The following GSG1L2 variants were observed in gnomAD, a reference collection of about 807,000 sequenced individuals.
GSG1L2 encodes the protein germ cell-specific gene 1-like protein 2.
A neutral mutation model predicts 9.0 loss-of-function variants in GSG1L2; 15 were observed. The observed-to-expected ratio is 1.67, with a 90% CI of 1.12 to 2.57. The LOEUF is 2.57. Ranked by LOEUF, GSG1L2 falls within the 30% of genes most tolerant of loss-of-function variation. The pLI is 0.00. For synonymous variants in GSG1L2, 127 were observed against 57.9 expected, an observed-to-expected ratio of 2.19 and a Z score of -5.41; for missense variants, 286 against 150.3, an observed-to-expected ratio of 1.90 and a Z score of -4.72.
In GSG1L2 at chr17:9,820,318, A is replaced by G. The variant is rs2152025326; in HGVS notation, c.310+1444T>C. ...CTTGGAAAGGAGATGGAATTTCCCA[A>G]GTGATTTGCCTATAAGTATGGTGAA... On this transcript the variant is annotated intron_variant, in intron 1 of 4. Coordinates refer to ENST00000399363, the MANE Select transcript of GSG1L2 (RefSeq NM_001310219.2). This position sits in a 1 kb window ranked among gnomAD's most constrained non-coding sequence, Gnocchi z 4.9. 6.6e-6 allele frequency among the ~76,000 whole-genome samples: 1 copy of G among 152,304 alleles called. No individual in the cohort carries two copies. The highest frequency in any genetic ancestry group is 3.4e-3 in the Middle Eastern group (1 of 294).
At chr17:9,816,906 G>A (rs1369361303) in intron 1 of GSG1L2, among the ~76,000 whole-genome samples, 1 of 85,670 alleles carries the variant, frequency 1.2e-5, no homozygotes, top group Non-Finnish European at 2.1e-5. Flanking sequence ...CTGTGTGTGT[G>A]TATCTGTGTG....
chr17:9,805,012 C>T (rs1182181393), intron 4 of GSG1L2: 1 of 151,578 alleles, frequency 6.6e-6, no homozygotes, highest in Non-Finnish European at 1.5e-5. Flanking sequence ...AAAATAAGTC[C>T]AAAATAAGAA....
Position 9,810,617 on chromosome 17 carries a change from A to T in GSG1L2, c.312T>A (p.Asp104Glu), listed in dbSNP as rs1010720456. Residue 104 changes from aspartate to glutamate, a missense_variant and splice_region_variant, in exon 2 of 5, where the codon GAT (aspartate) becomes GAA (glutamate). Transcript: ENST00000399363. ...CACTCCGGAAACTCCTACACTTTTC[A>T]TCTGAAAGATAAAGAGAATGCATCC... The part of the protein sequence containing the change: ...QSCEESLNGE[D>E]EKCRSFRSVV... 2.8e-6 allele frequency: 2 copies of T among 703,040 alleles called. No homozygotes were observed. Among genetic ancestry groups the T allele is most frequent in the Middle Eastern group, 2.3e-4 (1 of 4,364 alleles). The allele number at this position is 703,040 out of a possible 1,614,324, so 43.6% of individuals were successfully genotyped here.
chr17:9,808,955 T>G lies in GSG1L2; in HGVS notation c.386A>C (p.Glu129Ala). 3 of 702,974 alleles carry G rather than the reference T, an allele frequency of 4.3e-6. No homozygotes were observed. The highest frequency in any genetic ancestry group is 2.0e-5 in the Admixed American group (1 of 50,010). 43.5% of individuals were successfully genotyped at this position (702,974 alleles called of 1,614,324 possible). A position where few individuals can be genotyped will look rare whatever the true frequency, so the allele number is the denominator to read the frequency against. The change falls in exon 3 of 5, where the codon GAG becomes GCG. Residue 129 changes from glutamate to alanine, a missense_variant. Transcript: ENST00000399363. The stretch of plus-strand genomic sequence containing the variant: ...CAGTATCAGAACGATATCCAGGACC[T>G]CGCCCCCGATGGACAGCCACAAAAC... ...QGVLWLSIGG[E>A]VLDIVLILTS... is the part of the protein sequence containing the mutation.
At position 9,813,256 on chromosome 17, in the gene GSG1L2, C is replaced by T. The variant is rs1443869728; in HGVS notation, c.311-2638G>A. Among the ~76,000 whole-genome samples, 3 of 152,190 alleles carry T rather than the reference C, an allele frequency of 2.0e-5. No individual in the cohort carries two copies. In the East Asian group the frequency reaches 5.8e-4, roughly 29 times the overall value. On this transcript the variant is annotated intron_variant, in intron 1 of 4. Transcript: ENST00000399363. ...CATTCCTTCACACTTCTGCATCACC[C>T]CTCTGCTGAGCTATAGGGAGAAGAG...
intron 4 of GSG1L2, chr17:9,805,417 G>A (rs2066513015): frequency 6.6e-6 from 1 of 152,158 alleles, no homozygotes; most frequent in African/African-American, 2.4e-5. Context: ...AATCGTGTTG[G>A]ACTCTTGACA....
At chr17:9,813,780 C>A (rs2066548773) in intron 1 of GSG1L2, among the ~76,000 whole-genome samples, 1 of 152,216 alleles carries the variant, frequency 6.6e-6, no homozygotes, top group South Asian at 2.1e-4. Context: ...CATTTACATC[C>A]ACAACGCCTG....
At chr17:9,819,102 C>T (rs2066579252) in intron 1 of GSG1L2, among the ~76,000 whole-genome samples, 1 of 152,066 alleles carries the variant, frequency 6.6e-6, no homozygotes, top group Non-Finnish European at 1.5e-5. Context: ...ACCAGGGGGG[C>T]TTATTAGAAA....
intron 1 of GSG1L2, among the ~76,000 whole-genome samples, chr17:9,821,422 T>TATTAAAATTGTGTTTA (rs1206185946): frequency 6.6e-6 from 1 of 152,048 alleles, no homozygotes; most frequent in Non-Finnish European, 1.5e-5. Context: ...AGAAACTAAT[T>TATTAAAATTGTGTTTA]TTAATAAACA....
rs1407457938 is a variant in GSG1L2, at chr17:9,807,551, T to G, written c.562A>C (p.Thr188Pro). The G allele has an allele frequency of 1.4e-6, 1 of 703,228 alleles. No individual in the cohort carries two copies. The highest frequency in any genetic ancestry group is 2.3e-4 in the Middle Eastern group (1 of 4,374). The allele number at this position is 703,228 out of a possible 1,614,324, so 43.6% of individuals were successfully genotyped here. ...HMMYTTIFQI[T>P]VNLGPEDWKP... ...CAATCTTCTGGTCCAAGGTTCACAG[T>G]GATTTGAAAAATGGTTGTGTACATC... The change falls in exon 4 of 5, where the codon ACT (threonine) becomes CCT (proline). Residue 188 changes from threonine (T) to proline (P), a missense_variant. Thr to Pro is a conservative substitution (Grantham distance 38). Coordinates refer to ENST00000399363, the MANE Select transcript of GSG1L2 (RefSeq NM_001310219.2).
rs1422939421 is a variant in GSG1L2, at chr17:9,801,731, CAT to C, written c.*653_*654del. Among the ~76,000 whole-genome samples the C allele has an allele frequency of 5.3e-5, 8 of 152,226 alleles. No homozygotes were observed. The highest frequency in any genetic ancestry group is 1.3e-4 in the Admixed American group (2 of 15,286). Reference sequence around the variant, plus strand: ...TTTAATTTAAGCAGAACAACTCAAACATGTGTTCCACTTAAACTAAGATAAGA... The same window carrying C: ...TTTAATTTAAGCAGAACAACTCAAACGTGTTCCACTTAAACTAAGATAAGA... On this transcript the variant is annotated 3_prime_UTR_variant, in exon 5 of 5. Transcript: ENST00000399363.
At chr17:9,818,501 A>ATTTTTTTTTT (rs377057350) in intron 1 of GSG1L2, among the ~76,000 whole-genome samples, 23 of 82,804 alleles carry the variant, frequency 2.8e-4, no homozygotes, top group South Asian at 5.0e-4. Flanking sequence ...ACACAGCTAA[A>ATTTTTTTTTT]TTTTTTTTTT....
intron 1 of GSG1L2, among the ~76,000 whole-genome samples, chr17:9,819,074 C>G (rs2066579053): frequency 6.6e-6 from 1 of 152,136 alleles, no homozygotes; most frequent in African/African-American, 2.4e-5. Flanking sequence ...TCCTCAGACT[C>G]TAGCGTCTGT....
chr17:9,817,101 T>C lies in GSG1L2; in HGVS notation c.310+4661A>G, dbSNP rs76627354. ...ACACACGCTGAGTTACACACACACATACACACGCGAACTGAGTGACAATTT... is the reference window on the plus strand; with the variant it reads ...ACACACGCTGAGTTACACACACACACACACACGCGAACTGAGTGACAATTT... On this transcript the variant is annotated intron_variant, in intron 1 of 4. Coordinates refer to ENST00000399363, the MANE Select transcript of GSG1L2 (RefSeq NM_001310219.2). 4.9e-5 allele frequency among the ~76,000 whole-genome samples: 6 copies of C among 122,058 alleles called. No individual in the cohort carries two copies. The South Asian group carries it at 9.4e-4, about 19-fold the overall frequency. The allele number at this position is 122,058 out of a possible 152,430, so 80.1% of individuals were successfully genotyped here.
chr17:9,805,957 T>C (rs1190711177), intron 4 of GSG1L2, among the ~76,000 whole-genome samples: 1 of 152,180 alleles, frequency 6.6e-6, no homozygotes, highest in Non-Finnish European at 1.5e-5. Context: ...TTTCAGGAAC[T>C]TGGGGCAGCT....
Position 9,820,376 on chromosome 17 carries a change from T to C in GSG1L2, c.310+1386A>G, listed in dbSNP as rs1239964671. 6.6e-6 allele frequency among the ~76,000 whole-genome samples: 1 copy of C among 152,206 alleles called. No individual in the cohort carries two copies. The highest frequency in any genetic ancestry group is 1.5e-5 in the Non-Finnish European group (1 of 68,036). The stretch of plus-strand genomic sequence containing the variant: ...TCCAAACCAAAATTCTGGAAGTGTT[T>C]TGGAAATCCTCCAGGATGCAGGGTC... On this transcript the variant is annotated intron_variant, in intron 1 of 4. Coordinates refer to ENST00000399363, the MANE Select transcript of GSG1L2 (RefSeq NM_001310219.2). The surrounding 1 kb of genome is among the most constrained non-coding windows in gnomAD (Gnocchi z 4.9).
intron 1 of GSG1L2, among the ~76,000 whole-genome samples, chr17:9,816,598 GTGTCTGTGTGTGTC>G (rs2066563849): frequency 3.9e-5 from 4 of 101,570 alleles, no homozygotes; most frequent in East Asian, 6.9e-3. Context: ...GCGTGTCTGT[GTGTCTGTGTGTGTC>G]TGTGTGTCTG....
intron 1 of GSG1L2, among the ~76,000 whole-genome samples, chr17:9,819,354 T>C (rs1294965999): frequency 2.0e-5 from 3 of 152,202 alleles, no homozygotes; most frequent in Non-Finnish European, 4.4e-5. Flanking sequence ...ACAGAGGGTA[T>C]GTGGGATGTT....
At chr17:9,808,681 A>T (rs990980941) in intron 3 of GSG1L2, 149 bp downstream of exon 3, 3 of 571,164 alleles carry the variant, frequency 5.3e-6, no homozygotes, top group Non-Finnish European at 9.4e-6. Flanking sequence ...AATGGAATTC[A>T]TTGGTGACTT....
Sources: allele counts gnomAD v4.1 joint callset (sites outside exome capture counted in the v4.1 genomes callset), GRCh38; gene constraint gnomAD v4.1.1; non-coding constraint Gnocchi (gnomAD v3.1); transcripts MANE v1.5; gene names NCBI Gene and HGNC (gene_info 2026-07-23, HGNC 2026-07-21).